CDKL2: variants seen among roughly 807,000 people sequenced by gnomAD.
CDKL2 encodes the protein cyclin-dependent kinase-like 2.
Under a neutral mutation model 63.9 loss-of-function variants are expected in CDKL2, and 64 were observed. The ratio of observed to expected loss-of-function variants is 1.00; its 90% CI spans 0.82 to 1.23. The LOEUF (loss-of-function observed/expected upper bound fraction) is 1.23. Ranked by LOEUF, CDKL2 falls within the 50% of genes most tolerant of loss-of-function variation. The probability of loss-of-function intolerance (pLI) is 0.00; values close to 1 mark genes in which losing one functional copy is unlikely to be tolerated. For synonymous variants in CDKL2, 211 were observed against 229.2 expected, an observed-to-expected ratio of 0.92 and a Z score of 0.72; for missense variants, 656 against 668.0, an observed-to-expected ratio of 0.98 and a Z score of 0.20.
At position 75,596,342 on chromosome 4, in the gene CDKL2, T is replaced by C; in HGVS notation, c.1323-2A>G. On this transcript the variant is annotated splice_acceptor_variant, in intron 9 of 13. Coordinates refer to ENST00000307465, the MANE Select transcript of CDKL2 (RefSeq NM_001330724.2). LOFTEE classifies it high-confidence loss of function. ...CACTTCTTAGTTTTCTCATCCACTC[T>C]GTAACGACAAAAAAAAATGTTTTTA... is the stretch of plus-strand genomic sequence containing the variant. 6.3e-7 allele frequency: 1 copy of C among 1,585,420 alleles called. No individual in the cohort carries two copies. Among genetic ancestry groups the C allele is most frequent in the Non-Finnish European group, 8.6e-7 (1 of 1,156,682 alleles).
At chr4:75,620,817 C>A (rs1214161942) in intron 2 of CDKL2, among the ~76,000 whole-genome samples, 1 of 152,094 alleles carries the variant, frequency 6.6e-6, no homozygotes, top group Non-Finnish European at 1.5e-5. Flanking sequence ...GAAATCCTTT[C>A]ATTTGGGTTA....
At chr4:75,594,408 A>G (rs981829944) in intron 10 of CDKL2, among the ~76,000 whole-genome samples, 2 of 151,906 alleles carry the variant, frequency 1.3e-5, no homozygotes. Context: ...AGATCATGCC[A>G]CTGCACTCCA....
intron 12 of CDKL2, among the ~76,000 whole-genome samples, chr4:75,587,777 G>A (rs963087815): frequency 4.0e-5 from 6 of 151,126 alleles, no homozygotes; most frequent in Non-Finnish European, 7.4e-5. Context: ...AGTGGCGGGC[G>A]CCTGTAGTCC....
intron 13 of CDKL2, among the ~76,000 whole-genome samples, chr4:75,579,884 T>C (rs1037044683): frequency 8.5e-5 from 13 of 152,174 alleles, no homozygotes; most frequent in African/African-American, 3.1e-4. Flanking sequence ...AAATGAAAGA[T>C]CAAAACTTAA....
Position 75,625,887 on chromosome 4 carries a change from C to G in CDKL2, c.102G>C (p.Lys34Asn). The stretch of plus-strand genomic sequence containing the variant: ...TTTTGTCATCGTCACTTTCTAAGAA[C>G]TTCTTTATGGCCACAATTCTTCCAG... ...KDTGRIVAIK[K>N]FLESDDDKMV... The change falls in exon 2 of 14, where the codon AAG becomes AAC. Residue 34 changes from lysine to asparagine, a missense_variant. Lys to Asn is a moderately conservative substitution (Grantham distance 94). Coordinates refer to ENST00000307465, the MANE Select transcript of CDKL2 (RefSeq NM_001330724.2). The G allele has an allele frequency of 6.2e-7, 1 of 1,613,354 alleles. No individual in the cohort carries two copies. Among genetic ancestry groups the G allele is most frequent in the Non-Finnish European group, 8.5e-7 (1 of 1,179,702 alleles).
At chr4:75,588,530 T>G (rs1275026120) in intron 12 of CDKL2, among the ~76,000 whole-genome samples, 1 of 152,192 alleles carries the variant, frequency 6.6e-6, no homozygotes, top group Non-Finnish European at 1.5e-5. Context: ...ACAGCTAAAT[T>G]TCTTACTGTT....
chr4:75,592,050 G>T (rs906448542), intron 11 of CDKL2, 96 bp downstream of exon 11: 16 of 1,333,998 alleles, frequency 1.2e-5, no homozygotes, highest in Non-Finnish European at 1.6e-5. Context: ...ACTTAAATAT[G>T]TAAAGTTAGT....
intron 3 of CDKL2, among the ~76,000 whole-genome samples, chr4:75,609,969 C>T (rs1283227960): frequency 2.6e-5 from 4 of 151,334 alleles, no homozygotes; most frequent in Admixed American, 1.3e-4. Flanking sequence ...TTTGGGAGAC[C>T]GAGGCGGGTG....
intron 2 of CDKL2, among the ~76,000 whole-genome samples, chr4:75,623,468 G>A (rs1730262517): frequency 6.6e-6 from 1 of 151,892 alleles, no homozygotes; most frequent in South Asian, 2.1e-4. Context: ...TAGCCATAAG[G>A]GAAAAGTCAT....
rs1578304887 is a variant in CDKL2 at position 75,576,835 on chromosome 4, G to A, written c.*2367C>T. Among the ~76,000 whole-genome samples the A allele has an allele frequency of 6.6e-6, 1 of 152,268 alleles. No homozygotes were observed. The highest frequency in any genetic ancestry group is 2.1e-4 in the South Asian group (1 of 4,824). On this transcript the variant is annotated 3_prime_UTR_variant, in exon 14 of 14. Transcript: ENST00000307465. The stretch of plus-strand genomic sequence containing the variant: ...CACATTTTCTATGTTCCATTTCAAT[G>A]GGAAGTCAGATATTCTAAGCAAGCA...
At chr4:75,605,268 G>A (rs190119545) in intron 5 of CDKL2, among the ~76,000 whole-genome samples, 22 of 152,108 alleles carry the variant, frequency 1.4e-4, no homozygotes, top group East Asian at 7.8e-4. Flanking sequence ...CAGGAGAATC[G>A]CTTGAACCCA....
At chr4:75,594,447 C>T (rs989192276) in intron 10 of CDKL2, among the ~76,000 whole-genome samples, 1 of 140,656 alleles carries the variant, frequency 7.1e-6, no homozygotes, top group African/African-American at 2.7e-5. Flanking sequence ...GATTCTGACT[C>T]GAAAAAAAAA....
intron 6 of CDKL2, among the ~76,000 whole-genome samples, chr4:75,601,028 AGTTTCTTCAACAAAT>A (rs1333930039): frequency 6.6e-6 from 1 of 152,324 alleles, no homozygotes; most frequent in Non-Finnish European, 1.5e-5. Flanking sequence ...CAAACAACTT[AGTTTCTTCAACAAAT>A]AAATTGCAAG....
At chr4:75,623,330 G>A (rs1303428379) in intron 2 of CDKL2, among the ~76,000 whole-genome samples, 1 of 152,092 alleles carries the variant, frequency 6.6e-6, no homozygotes, top group African/African-American at 2.4e-5. Context: ...ACTGGCGCAA[G>A]CTTAAACAAA....
chr4:75,601,680 G>A (rs1347017058), intron 6 of CDKL2, among the ~76,000 whole-genome samples: 3 of 152,104 alleles, frequency 2.0e-5, no homozygotes, highest in Non-Finnish European at 4.4e-5. Context: ...CTTAAGGTAT[G>A]ATTAAGGTAC....
chr4:75,609,504 C>G (rs1004199933), intron 3 of CDKL2, among the ~76,000 whole-genome samples: 42 of 151,574 alleles, frequency 2.8e-4, no homozygotes, highest in African/African-American at 9.2e-4. Context: ...ACTTGGGAGG[C>G]TCAGGCAGGA....
At chr4:75,601,135 T>G (rs1474760722) in intron 6 of CDKL2, among the ~76,000 whole-genome samples, 2 of 152,196 alleles carry the variant, frequency 1.3e-5, no homozygotes, top group African/African-American at 4.8e-5. Flanking sequence ...ATCTATAGTC[T>G]TCATTTAGAT....
In CDKL2 at chr4:75,597,063, G is replaced by T. The variant is rs952036393; in HGVS notation, c.1194C>A (p.Ser398Arg). 1 of 1,614,196 alleles carries T rather than the reference G, an allele frequency of 6.2e-7. No homozygotes were observed. Among genetic ancestry groups the T allele is most frequent in the Non-Finnish European group, 8.5e-7 (1 of 1,180,036 alleles). Reference protein sequence around the residue: ...IVPSTSLKDCSNVSVDHTRNP... With the variant: ...IVPSTSLKDCRNVSVDHTRNP... ...TCCTTGTGTGGTCCACGCTGACATT[G>T]CTGCAGTCTTTGAGGCTTGTTGAAG... The change falls in exon 9 of 14, where the codon AGC becomes AGA. Residue 398 changes from serine to arginine, a missense_variant. By Grantham distance (110) the Ser-to-Arg change is moderately radical. Transcript: ENST00000307465.
intron 10 of CDKL2, among the ~76,000 whole-genome samples, chr4:75,595,556 G>A (rs1728877026): frequency 6.6e-6 from 1 of 151,982 alleles, no homozygotes; most frequent in Non-Finnish European, 1.5e-5. Context: ...GGTGAGATAA[G>A]ACAATTTATC....
Sources: gnomAD v4.1 joint callset for allele counts (sites outside exome capture counted in the v4.1 genomes callset) on GRCh38, gnomAD v4.1.1 for gene constraint, MANE v1.5 for transcripts, NCBI Gene and HGNC (gene_info 2026-07-23, HGNC 2026-07-21) for gene names.